XKR6: variants seen among roughly 807,000 people sequenced by gnomAD.
The protein encoded by XKR6 is XK-related protein 6.
A neutral mutation model predicts 56.7 loss-of-function variants in XKR6; 22 were observed. That is an observed-to-expected ratio of 0.39 (90% CI 0.28 to 0.55). XKR6 has a LOEUF of 0.55. Ranked by LOEUF, XKR6 falls within the 20% of genes least tolerant of loss-of-function variation. The pLI, the probability that XKR6 is intolerant of heterozygous loss-of-function variation, is 0.66. For missense variants in XKR6, 852 were observed against 889.0 expected, an observed-to-expected ratio of 0.96 and a Z score of 0.53; for synonymous variants, 524 against 387.8, an observed-to-expected ratio of 1.35 and a Z score of -4.13.
intron 2 of XKR6, among the ~76,000 whole-genome samples, chr8:10,914,211 C>T (rs981918154): frequency 1.3e-5 from 2 of 152,298 alleles, no homozygotes; most frequent in East Asian, 3.9e-4. Context: ...ACCGCCGCAA[C>T]CATGCTTCCC....
intron 1 of XKR6, among the ~76,000 whole-genome samples, chr8:11,041,812 C>T (rs1363381913): frequency 6.6e-6 from 1 of 152,192 alleles, no homozygotes; most frequent in South Asian, 2.1e-4. Flanking sequence ...TGGAATAAGA[C>T]ATTAAAAATG....
intron 2 of XKR6, among the ~76,000 whole-genome samples, chr8:10,920,163 A>C (rs909852546): frequency 2.0e-5 from 3 of 152,192 alleles, no homozygotes; most frequent in African/African-American, 7.2e-5. Flanking sequence ...AATGGTATAC[A>C]GTGGACAAGA....
intron 1 of XKR6, among the ~76,000 whole-genome samples, chr8:10,980,401 CAG>C (rs1797701567): frequency 6.6e-6 from 1 of 152,206 alleles, no homozygotes; most frequent in Non-Finnish European, 1.5e-5. Context: ...AGATATTAAA[CAG>C]GGGATTGATC....
chr8:11,124,615 A>G (rs2116867826), intron 1 of XKR6: 1 of 153,298 alleles, frequency 6.5e-6, no homozygotes, highest in African/African-American at 2.4e-5. Flanking sequence ...GGCGAACAGA[A>G]ATTAAGAAGA....
intron 1 of XKR6, among the ~76,000 whole-genome samples, chr8:11,082,640 A>T (rs1393418890): frequency 6.6e-6 from 1 of 152,222 alleles, no homozygotes; most frequent in African/African-American, 2.4e-5. Flanking sequence ...GAGAAAGTCA[A>T]ACAAGAGTCC....
At chr8:10,907,436 T>G (rs1448448386) in intron 2 of XKR6, among the ~76,000 whole-genome samples, 1 of 152,240 alleles carries the variant, frequency 6.6e-6, no homozygotes, top group African/African-American at 2.4e-5. Flanking sequence ...ACAGCCACCT[T>G]GACCCAGACT....
At chr8:11,062,829 G>A (rs1799870784) in intron 1 of XKR6, 1 of 456,158 alleles carries the variant, frequency 2.2e-6, no homozygotes, top group Admixed American at 2.3e-5. Context: ...CAATCAGCGT[G>A]GCCGTGCGCC....
At chr8:10,997,646 G>A (rs545280348) in intron 1 of XKR6, among the ~76,000 whole-genome samples, 29 of 152,200 alleles carry the variant, frequency 1.9e-4, no homozygotes, top group Non-Finnish European at 3.5e-4. Context: ...TGCAGGAGGC[G>A]TGTGGAAATG....
intron 1 of XKR6, among the ~76,000 whole-genome samples, chr8:11,195,550 T>A (rs1038355117): frequency 6.6e-6 from 1 of 152,158 alleles, no homozygotes; most frequent in Non-Finnish European, 1.5e-5. Context: ...ATCAGGTAAG[T>A]CTCAACATTC....
chr8:11,201,497 C>A lies in XKR6; in HGVS notation c.-158G>T. The A allele has an allele frequency of 1.8e-6, 1 of 561,966 alleles. No homozygotes were observed. Among genetic ancestry groups the A allele is most frequent in the South Asian group, 2.1e-5 (1 of 47,208 alleles). 34.8% of individuals were successfully genotyped at this position (561,966 alleles called of 1,614,324 possible). On this transcript the variant is annotated 5_prime_UTR_variant, in exon 1 of 3. Transcript: ENST00000416569. ...ACGAGGGGGGAGTGGGCCAGGGAACCCCCTCCGCTTCCGGGTAGTTGGCGT... is the reference window on the plus strand; with the variant it reads ...ACGAGGGGGGAGTGGGCCAGGGAACACCCTCCGCTTCCGGGTAGTTGGCGT...
In XKR6 at chr8:11,126,709, G is replaced by C. The variant is rs541929501; in HGVS notation, c.764+73867C>G. On this transcript the variant is annotated intron_variant, in intron 1 of 2. Coordinates refer to ENST00000416569, the MANE Select transcript of XKR6 (RefSeq NM_173683.4). The stretch of plus-strand genomic sequence containing the variant: ...CTATTAATGAACAGAGCCATCTCTG[G>C]AGTCAGTTTCAAAGAACTGAACCAT... 1.1e-4 allele frequency among the ~76,000 whole-genome samples: 16 copies of C among 152,230 alleles called. No individual in the cohort carries two copies. The South Asian group carries it at 2.7e-3, about 26-fold the overall frequency.
At chr8:11,118,955 A>C (rs955625587) in intron 1 of XKR6, among the ~76,000 whole-genome samples, 2 of 151,638 alleles carry the variant, frequency 1.3e-5, no homozygotes, top group African/African-American at 4.9e-5. Flanking sequence ...TAGTGCTATA[A>C]CTTTCACTCT....
intron 1 of XKR6, among the ~76,000 whole-genome samples, chr8:11,035,038 T>C (rs1039168310): frequency 6.6e-6 from 1 of 152,228 alleles, no homozygotes; most frequent in African/African-American, 2.4e-5. Context: ...TTAGTAGTAG[T>C]GTGACCCTGG....
chr8:11,157,092 T>C (rs1801558148), intron 1 of XKR6, among the ~76,000 whole-genome samples: 1 of 152,108 alleles, frequency 6.6e-6, no homozygotes, highest in African/African-American at 2.4e-5. Flanking sequence ...CCCAGCCTAA[T>C]AAGAAAAATG....
At chr8:10,936,001 G>C (rs895873164) in intron 1 of XKR6, among the ~76,000 whole-genome samples, 47 of 150,964 alleles carry the variant, frequency 3.1e-4, no homozygotes, top group African/African-American at 1.1e-3. Context: ...ACAGTGGGGT[G>C]TTAAACTCTC....
chr8:11,111,376 T>A (rs1458657014), intron 1 of XKR6, among the ~76,000 whole-genome samples: 1 of 152,152 alleles, frequency 6.6e-6, no homozygotes, highest in African/African-American at 2.4e-5. Context: ...TTTTAAAAAC[T>A]GGTAGCACTG....
intron 1 of XKR6, among the ~76,000 whole-genome samples, chr8:11,054,309 G>T (rs951222438): frequency 6.6e-6 from 1 of 152,198 alleles, no homozygotes; most frequent in African/African-American, 2.4e-5. Flanking sequence ...CAGTAAGTTT[G>T]TCCTAACTAC....
At chr8:11,117,447 C>A (rs1799235264) in intron 1 of XKR6, among the ~76,000 whole-genome samples, 1 of 152,136 alleles carries the variant, frequency 6.6e-6, no homozygotes, top group Non-Finnish European at 1.5e-5. Context: ...AAGGATTCCA[C>A]AGGAAGAAAA....
At chr8:11,179,717 T>C (rs1802867789) in intron 1 of XKR6, among the ~76,000 whole-genome samples, 1 of 152,174 alleles carries the variant, frequency 6.6e-6, no homozygotes, top group Non-Finnish European at 1.5e-5. Flanking sequence ...ACACTGTTTG[T>C]TCACCCAGAA....
Sources: gnomAD v4.1 joint callset for allele counts (sites outside exome capture counted in the v4.1 genomes callset) on GRCh38, gnomAD v4.1.1 for gene constraint, MANE v1.5 for transcripts, NCBI Gene and HGNC (gene_info 2026-07-23, HGNC 2026-07-21) for gene names.